Variants in DCDC1 observed in about 807,000 individuals in gnomAD.
DCDC1 encodes doublecortin domain containing 1.
Under a neutral mutation model 178.3 loss-of-function variants are expected in DCDC1, and 200 were observed. That is an observed-to-expected ratio of 1.12 (90% CI 1.00 to 1.26). DCDC1 has a LOEUF of 1.26. Among genes scored for constraint, DCDC1 ranks in the 50% most tolerant of loss-of-function variants. The pLI, the probability that DCDC1 is intolerant of heterozygous loss-of-function variation, is 0.00. For missense variants in DCDC1, 1,983 were observed against 1,749.2 expected (o/e 1.13, Z -2.38); for synonymous variants, 690 against 604.8 (o/e 1.14, Z -2.07).
intron 20 of DCDC1, among the ~76,000 whole-genome samples, chr11:30,981,866 G>C (rs1950408678): frequency 6.6e-6 from 1 of 152,092 alleles, no homozygotes; most frequent in African/African-American, 2.4e-5. Context: ...GAACACCAAA[G>C]CAGCTGAGGC....
At chr11:31,268,166 G>A (rs1945300994) in intron 7 of DCDC1, among the ~76,000 whole-genome samples, 1 of 152,044 alleles carries the variant, frequency 6.6e-6, no homozygotes, top group African/African-American at 2.4e-5. Context: ...AAAGTATAAT[G>A]ATGTCCTTCG....
At position 30,905,027 on chromosome 11, in the gene DCDC1, T is replaced by G. The variant is rs1426480867; in HGVS notation, c.4242A>C (p.Ile1414=). ...MAATHQKAVK[I]IAYKNGDGYR... ...ACCCATCCCCATTTTTGTATGCAAT[T>G]ATTTTCACTGCCTTCTGGTGTGTGG... The change falls in exon 31 of 39, where the codon ATA becomes ATC. Residue 1414 remains isoleucine (I), a synonymous_variant. Coordinates refer to ENST00000684477, the MANE Select transcript of DCDC1 (RefSeq NM_001387274.1). 2 of 1,613,890 alleles carry G rather than the reference T, an allele frequency of 1.2e-6. No homozygotes were observed. The highest frequency in any genetic ancestry group is 2.2e-5 in the South Asian group (2 of 91,082).
chr11:30,877,327 A>C (rs1343798850), intron 38 of DCDC1, among the ~76,000 whole-genome samples: 1 of 152,162 alleles, frequency 6.6e-6, no homozygotes, highest in African/African-American at 2.4e-5. Context: ...ATATTCATAC[A>C]GAGTTGTGAG....
chr11:30,909,865 G>A (rs965939320), intron 28 of DCDC1, among the ~76,000 whole-genome samples: 6 of 152,118 alleles, frequency 3.9e-5, no homozygotes, highest in African/African-American at 1.4e-4. Context: ...TAAAGAAATA[G>A]TTTCAATTTA....
chr11:30,888,783 A>T (rs1943535158), intron 36 of DCDC1, among the ~76,000 whole-genome samples: 1 of 152,360 alleles, frequency 6.6e-6, no homozygotes, highest in Middle Eastern at 3.4e-3. Flanking sequence ...TTTCAAATGT[A>T]TCTAAATTTA....
chr11:30,884,372 C>T (rs1565023832), intron 36 of DCDC1, among the ~76,000 whole-genome samples: 1 of 151,754 alleles, frequency 6.6e-6, no homozygotes. Flanking sequence ...GTTTTCCTCT[C>T]TTTTTTTTGT....
chr11:31,063,979 T>C (rs1446447811), intron 20 of DCDC1, among the ~76,000 whole-genome samples: 5 of 152,118 alleles, frequency 3.3e-5, no homozygotes, highest in Non-Finnish European at 7.4e-5. Flanking sequence ...AATTTTTCAG[T>C]TGGTTAGCAA....
At chr11:31,217,408 C>T (rs1347436464) in intron 9 of DCDC1, among the ~76,000 whole-genome samples, 4 of 152,012 alleles carry the variant, frequency 2.6e-5, no homozygotes, top group Admixed American at 1.3e-4. Context: ...CAACTCCGGT[C>T]GATTTTGAAA....
chr11:31,250,385 TAC>T (rs10640581), intron 8 of DCDC1, among the ~76,000 whole-genome samples: 1,064 of 92,508 alleles, frequency 0.012, 64 homozygotes, highest in Non-Finnish European at 0.014. Flanking sequence ...AGTGAATGAA[TAC>T]ACACACACAC....
At chr11:31,071,265 T>A (rs543671236) in intron 18 of DCDC1, among the ~76,000 whole-genome samples, 49 of 152,326 alleles carry the variant, frequency 3.2e-4, no homozygotes, top group South Asian at 1.7e-3. Context: ...TGCCACAATA[T>A]ATTCATACAA....
At chr11:30,868,588 T>C (rs1172311810) in intron 38 of DCDC1, among the ~76,000 whole-genome samples, 3 of 152,094 alleles carry the variant, frequency 2.0e-5, no homozygotes, top group Non-Finnish European at 4.4e-5. Context: ...TTTGCTCATC[T>C]GGGCCTGCAG....
intron 15 of DCDC1, among the ~76,000 whole-genome samples, chr11:31,094,794 CT>C (rs796420632): frequency 7.9e-5 from 12 of 151,424 alleles, no homozygotes; most frequent in South Asian, 2.1e-4. Flanking sequence ...TGAAAGCCTT[CT>C]TTTTTTTTAT....
At chr11:31,209,001 G>T (rs974485546) in intron 9 of DCDC1, among the ~76,000 whole-genome samples, 1 of 152,074 alleles carries the variant, frequency 6.6e-6, no homozygotes, top group Non-Finnish European at 1.5e-5. Context: ...CAATAACTCA[G>T]CCTTGTATGC....
intron 22 of DCDC1, 54 bp downstream of exon 22, chr11:30,931,717 A>T (rs1946935371): frequency 6.7e-7 from 1 of 1,491,354 alleles, no homozygotes. Flanking sequence ...TAAGAACACA[A>T]AATCTGTACA....
In DCDC1 at chr11:31,292,423, T is replaced by A. The variant is rs374467338; in HGVS notation, c.755-1571A>T. On this transcript the variant is annotated intron_variant, in intron 6 of 38. Transcript: ENST00000684477. ...TACAATGTATAACACAGATGGAATA[T>A]CATTCAGCCATAAAAAAGAATGAAG... 1.4e-4 allele frequency among the ~76,000 whole-genome samples: 22 copies of A among 152,212 alleles called. No individual in the cohort carries two copies. In the South Asian group the frequency reaches 4.6e-3, roughly 32 times the overall value.
At chr11:30,922,135 T>C (rs1946290192) in intron 24 of DCDC1, among the ~76,000 whole-genome samples, 1 of 152,192 alleles carries the variant, frequency 6.6e-6, no homozygotes, top group African/African-American at 2.4e-5. Flanking sequence ...GCTTTTTTTC[T>C]ATCTTAGAGT....
At chr11:31,103,196 G>C (rs1427082663) in intron 14 of DCDC1, among the ~76,000 whole-genome samples, 1 of 152,160 alleles carries the variant, frequency 6.6e-6, no homozygotes, top group Non-Finnish European at 1.5e-5. Context: ...TGCCTCCTTA[G>C]ATCTTCCAAC....
At chr11:31,239,242 T>C (rs1262545395) in intron 9 of DCDC1, among the ~76,000 whole-genome samples, 1 of 151,978 alleles carries the variant, frequency 6.6e-6, no homozygotes, top group Non-Finnish European at 1.5e-5. Context: ...TAAAACTAAA[T>C]AGAAAAGGCT....
chr11:30,905,871 G>A (rs1037943162), intron 30 of DCDC1, among the ~76,000 whole-genome samples: 2 of 152,192 alleles, frequency 1.3e-5, no homozygotes, highest in African/African-American at 2.4e-5. Flanking sequence ...GAAGGGAGGA[G>A]GGTGATCTGG....
Sources: allele counts gnomAD v4.1 joint callset (sites outside exome capture counted in the v4.1 genomes callset), GRCh38; gene constraint gnomAD v4.1.1; transcripts MANE v1.5; gene names NCBI Gene and HGNC (gene_info 2026-07-23, HGNC 2026-07-21).